Variants in HIVEP3 observed in about 807,000 individuals in gnomAD.
HIVEP3 encodes the protein HIVEP zinc finger 3.
In HIVEP3, 49 loss-of-function variants were observed where a neutral mutation model predicts 152.8. That is an observed-to-expected ratio of 0.32 (90% confidence interval 0.26 to 0.41). The LOEUF (loss-of-function observed/expected upper bound fraction) is 0.41, where lower values mean the gene tolerates loss of function less well. HIVEP3 is among the 10% of genes least tolerant of loss of function. The pLI, the probability that HIVEP3 is intolerant of heterozygous loss-of-function variation, is 1.00. For synonymous variants in HIVEP3, 1,269 were observed against 1,289.0 expected (o/e 0.98, Z 0.33); for missense variants, 2,790 against 3,103.3 (o/e 0.90, Z 2.40).
chr1:41,563,050 A>C (rs922163943), intron 5 of HIVEP3, among the ~76,000 whole-genome samples: 3 of 151,970 alleles, frequency 2.0e-5, no homozygotes, highest in Non-Finnish European at 4.4e-5. Flanking sequence ...CAGGGGTGCC[A>C]TAAAGAAATA....
At chr1:41,932,175 C>T (rs6674958) in intron 1 of HIVEP3, among the ~76,000 whole-genome samples, 5,865 of 151,790 alleles carry the variant, frequency 0.039, 362 homozygotes, top group African/African-American at 0.13. Context: ...TTTTAAAGTG[C>T]TTTTTGTAAA....
chr1:41,958,606 A>ATTG (rs1645152907), intron 1 of HIVEP3, among the ~76,000 whole-genome samples: 1 of 152,144 alleles, frequency 6.6e-6, no homozygotes, highest in African/African-American at 2.4e-5. Flanking sequence ...GTCACTCACC[A>ATTG]CTGTTGCAGC....
At chr1:41,619,177 T>C (rs1645011326) in intron 3 of HIVEP3, among the ~76,000 whole-genome samples, 1 of 152,052 alleles carries the variant, frequency 6.6e-6, no homozygotes, top group Non-Finnish European at 1.5e-5. Context: ...TTCCTTGCTG[T>C]TCCCAGCAGG....
intron 5 of HIVEP3, among the ~76,000 whole-genome samples, chr1:41,541,474 G>C (rs1885655): frequency 6.6e-6 from 1 of 152,036 alleles, no homozygotes; most frequent in African/African-American, 2.4e-5. Flanking sequence ...TGTCCACATC[G>C]CCTCCCTCCT....
At chr1:41,541,677 C>G (rs1262099353) in intron 5 of HIVEP3, among the ~76,000 whole-genome samples, 2 of 152,200 alleles carry the variant, frequency 1.3e-5, no homozygotes, top group Non-Finnish European at 2.9e-5. Context: ...GAAAACAGAG[C>G]TGGGCTTACC....
chr1:41,804,322 C>T (rs1156243209), intron 1 of HIVEP3, among the ~76,000 whole-genome samples: 1 of 152,200 alleles, frequency 6.6e-6, no homozygotes, highest in Non-Finnish European at 1.5e-5. Flanking sequence ...CCCCACCAAC[C>T]GACAGAAGGT....
intron 1 of HIVEP3, among the ~76,000 whole-genome samples, chr1:41,702,311 T>C (rs990381292): frequency 6.6e-6 from 1 of 152,186 alleles, no homozygotes; most frequent in South Asian, 2.1e-4. Flanking sequence ...GTCCCTCTAC[T>C]AGGGTATACA....
intron 5 of HIVEP3, among the ~76,000 whole-genome samples, chr1:41,567,910 T>A (rs562510299): frequency 1.3e-5 from 2 of 152,346 alleles, no homozygotes; most frequent in African/African-American, 4.8e-5. Context: ...GGTTTCGCCT[T>A]CGTTGTGTCC....
At chr1:41,624,304 C>G (rs186097843) in intron 3 of HIVEP3, among the ~76,000 whole-genome samples, 1 of 152,218 alleles carries the variant, frequency 6.6e-6, no homozygotes, top group Non-Finnish European at 1.5e-5. Flanking sequence ...AGAGGCTCTC[C>G]AAATGTTCCA....
intron 1 of HIVEP3, among the ~76,000 whole-genome samples, chr1:41,725,310 A>G (rs1337629838): frequency 6.6e-6 from 1 of 152,182 alleles, no homozygotes; most frequent in Non-Finnish European, 1.5e-5. Flanking sequence ...TCCTGCCACA[A>G]GCCTCTCCCA....
At chr1:41,545,750 T>C (rs369850412) in intron 5 of HIVEP3, among the ~76,000 whole-genome samples, 1,570 of 30,702 alleles carry the variant, frequency 0.051, 35 homozygotes, top group African/African-American at 0.14. Context: ...CCATCACCAC[T>C]GCCACCACCA....
chr1:42,016,267 G>A (rs1415370458), intron 1 of HIVEP3, among the ~76,000 whole-genome samples: 2 of 152,134 alleles, frequency 1.3e-5, no homozygotes, highest in South Asian at 2.1e-4. Flanking sequence ...GTATACAAAC[G>A]AAATGCAGGG....
At chr1:41,671,752 A>G (rs371946389) in intron 2 of HIVEP3, among the ~76,000 whole-genome samples, 1 of 152,228 alleles carries the variant, frequency 6.6e-6, no homozygotes. Context: ...GCCCAGTCAG[A>G]CTAAGACTAG....
At chr1:41,891,529 G>A (rs1352804038) in intron 1 of HIVEP3, among the ~76,000 whole-genome samples, 3 of 152,148 alleles carry the variant, frequency 2.0e-5, no homozygotes, top group South Asian at 2.1e-4. Context: ...GGGAGTCAAC[G>A]CTTCCTGGGT....
intron 1 of HIVEP3, among the ~76,000 whole-genome samples, chr1:41,984,002 C>A (rs940532863): frequency 6.6e-6 from 1 of 152,182 alleles, no homozygotes. Context: ...GACAGCATTT[C>A]GCTCTGTTGC....
At chr1:41,587,856 T>C (rs1350658921) in intron 3 of HIVEP3, among the ~76,000 whole-genome samples, 1 of 152,198 alleles carries the variant, frequency 6.6e-6, no homozygotes, top group Non-Finnish European at 1.5e-5. Flanking sequence ...TGTGGCATGA[T>C]GCGCACTGCA....
intron 5 of HIVEP3, among the ~76,000 whole-genome samples, chr1:41,525,761 A>T (rs1309979262): frequency 6.6e-6 from 1 of 152,188 alleles, no homozygotes; most frequent in Non-Finnish European, 1.5e-5. Context: ...GAAACCCACG[A>T]GTCCCACATG....
intron 3 of HIVEP3, among the ~76,000 whole-genome samples, chr1:41,608,315 G>A (rs1644850225): frequency 6.6e-6 from 1 of 152,210 alleles, no homozygotes; most frequent in Non-Finnish European, 1.5e-5. Context: ...TGGGCATAAT[G>A]CTATACTTCA....
chr1:41,553,486 T>G (rs1450537243), intron 5 of HIVEP3, among the ~76,000 whole-genome samples: 1 of 152,256 alleles, frequency 6.6e-6, no homozygotes, highest in South Asian at 2.1e-4. Flanking sequence ...ATTGGGGCAT[T>G]TAGCCCATTT....
Sources: allele counts gnomAD v4.1 joint callset (sites outside exome capture counted in the v4.1 genomes callset), GRCh38; gene constraint gnomAD v4.1.1; transcripts MANE v1.5; gene names NCBI Gene and HGNC (gene_info 2026-07-23, HGNC 2026-07-21).